The following KHDRBS2 variants were observed in gnomAD, a reference collection of about 807,000 sequenced individuals.
The protein encoded by KHDRBS2 is KH RNA binding domain containing, signal transduction associated 2, also known as KH domain-containing, RNA-binding, signal transduction-associated protein 2.
In KHDRBS2, 26 loss-of-function variants were observed where a neutral mutation model predicts 44.3. That is an observed-to-expected ratio of 0.59 (90% CI 0.43 to 0.81). The LOEUF (loss-of-function observed/expected upper bound fraction) is 0.81, where lower values mean the gene tolerates loss of function less well. Ranked by LOEUF, KHDRBS2 falls within the 40% of genes least tolerant of loss-of-function variation. The probability of loss-of-function intolerance (pLI) is 0.00; values close to 1 mark genes in which losing one functional copy is unlikely to be tolerated. For synonymous variants in KHDRBS2, 194 were observed against 151.1 expected (o/e 1.28, Z -2.08); for missense variants, 476 against 433.1 (o/e 1.10, Z -0.88).
At chr6:62,251,241 T>A (rs1475218571) in intron 1 of KHDRBS2, among the ~76,000 whole-genome samples, 2 of 151,826 alleles carry the variant, frequency 1.3e-5, no homozygotes, top group Non-Finnish European at 2.9e-5. Flanking sequence ...GCTCTTCCAC[T>A]CTCAGCAAAT....
At chr6:61,812,210 C>A (rs1164940188) in intron 6 of KHDRBS2, among the ~76,000 whole-genome samples, 1 of 151,912 alleles carries the variant, frequency 6.6e-6, no homozygotes, top group Non-Finnish European at 1.5e-5. Flanking sequence ...ACCATCGAGA[C>A]AAGACAGCCT....
At chr6:62,196,792 C>T (rs1825800871) in intron 1 of KHDRBS2, among the ~76,000 whole-genome samples, 2 of 152,012 alleles carry the variant, frequency 1.3e-5, no homozygotes, top group Admixed American at 1.3e-4. Flanking sequence ...ATTTCAGGTG[C>T]TCAGAATATG....
chr6:61,999,155 C>T (rs1462289603), intron 3 of KHDRBS2, among the ~76,000 whole-genome samples: 2 of 151,970 alleles, frequency 1.3e-5, no homozygotes, highest in African/African-American at 2.4e-5. Flanking sequence ...TATAAATTGA[C>T]CTAACAAATG....
intron 6 of KHDRBS2, among the ~76,000 whole-genome samples, chr6:61,736,212 TCACACACACACACA>T (rs376298733): frequency 7.4e-6 from 1 of 135,560 alleles, no homozygotes; most frequent in African/African-American, 2.8e-5. Context: ...TTACTTTACT[TCACACACACACACA>T]CACACACACA....
At chr6:62,197,970 C>T (rs1405268993) in intron 1 of KHDRBS2, among the ~76,000 whole-genome samples, 1 of 152,134 alleles carries the variant, frequency 6.6e-6, no homozygotes, top group Non-Finnish European at 1.5e-5. Context: ...AATTGAACAA[C>T]CTGCTCCTGA....
intron 4 of KHDRBS2, among the ~76,000 whole-genome samples, chr6:61,961,383 GAAGAAAGAAAAAGA>G (rs1262036394): frequency 2.2e-4 from 33 of 149,578 alleles, no homozygotes; most frequent in African/African-American, 7.9e-4. Context: ...GGAAAGAAGG[GAAGAAAGAAAAAGA>G]AAGAAAGAAA....
intron 2 of KHDRBS2, among the ~76,000 whole-genome samples, chr6:62,065,655 G>T: frequency 9.1e-6 from 1 of 110,368 alleles, no homozygotes; most frequent in Non-Finnish European, 1.8e-5. Context: ...AGGGGGGAGG[G>T]ATAGCATTGG....
the KHDRBS2 span, among the ~76,000 whole-genome samples, chr6:61,650,596 A>G: frequency 1.9e-5 from 2 of 104,776 alleles, no homozygotes; most frequent in Admixed American, 1.1e-4. Context: ...AAATACATGA[A>G]AAACTTAATG....
chr6:61,618,528 T>C, the KHDRBS2 span, among the ~76,000 whole-genome samples: 3 of 152,214 alleles, frequency 2.0e-5, no homozygotes, highest in Non-Finnish European at 2.9e-5. Context: ...AGTATAATTG[T>C]GTCATGGGGG....
chr6:61,786,814 C>A (rs1191854862), intron 6 of KHDRBS2, among the ~76,000 whole-genome samples: 1 of 151,850 alleles, frequency 6.6e-6, no homozygotes, highest in East Asian at 1.9e-4. Context: ...TATTGCCCAG[C>A]AAATACTCAC....
intron 3 of KHDRBS2, among the ~76,000 whole-genome samples, chr6:62,009,052 G>A (rs1254478067): frequency 6.6e-6 from 1 of 152,166 alleles, no homozygotes; most frequent in South Asian, 2.1e-4. Context: ...GGAACAGGTT[G>A]AAGGGTTCAG....
At chr6:61,847,134 C>CA (rs935549558) in intron 6 of KHDRBS2, among the ~76,000 whole-genome samples, 4 of 152,046 alleles carry the variant, frequency 2.6e-5, no homozygotes, top group Non-Finnish European at 2.9e-5. Flanking sequence ...TGTAAGTTTT[C>CA]ACCATGTTTT....
chr6:61,575,647 C>T, the KHDRBS2 span, among the ~76,000 whole-genome samples: 4 of 152,202 alleles, frequency 2.6e-5, no homozygotes, highest in East Asian at 7.7e-4. Flanking sequence ...TGAAAAAGGC[C>T]TTGCACACAT....
Position 61,758,180 on chromosome 6 carries a change from G to A in KHDRBS2, c.811-25416C>T, listed in dbSNP as rs539245864. On this transcript the variant is annotated intron_variant, in intron 6 of 8. Transcript: ENST00000281156. ...GAAACTTTCTGAAAAGCACAAACTG[G>A]GGAAATTGTAGGGCTTATCTTATTT... is the stretch of plus-strand genomic sequence containing the variant. Among the ~76,000 whole-genome samples the A allele has an allele frequency of 1.6e-3, 238 of 152,160 alleles. 1 individual carries two copies. Among genetic ancestry groups the A allele is most frequent in the African/African-American group, 5.3e-3 (222 of 41,532 alleles).
intron 2 of KHDRBS2, among the ~76,000 whole-genome samples, chr6:62,061,900 C>A (rs1331715751): frequency 6.6e-6 from 1 of 151,494 alleles, no homozygotes; most frequent in African/African-American, 2.4e-5. Context: ...TCTAAACTTC[C>A]CTTCTCGCTT....
At chr6:61,987,209 ACAAGACCAAATC>A (rs929637897) in intron 3 of KHDRBS2, among the ~76,000 whole-genome samples, 8 of 152,190 alleles carry the variant, frequency 5.3e-5, no homozygotes, top group Non-Finnish European at 8.8e-5. Context: ...CAGTAGTAAC[ACAAGACCAAATC>A]CAATATTACT....
intron 6 of KHDRBS2, among the ~76,000 whole-genome samples, chr6:61,839,356 G>A (rs76833392): frequency 0.033 from 4,995 of 151,834 alleles, 274 homozygotes; most frequent in African/African-American, 0.11. Flanking sequence ...TGCCTTACAA[G>A]GATATGACCA....
intron 2 of KHDRBS2, among the ~76,000 whole-genome samples, chr6:62,173,664 C>T (rs1820520256): frequency 6.6e-6 from 1 of 151,930 alleles, no homozygotes; most frequent in African/African-American, 2.4e-5. Context: ...TGCAACAGTC[C>T]TCAACAAAAT....
At chr6:62,122,065 G>T (rs1807789319) in intron 2 of KHDRBS2, among the ~76,000 whole-genome samples, 1 of 152,110 alleles carries the variant, frequency 6.6e-6, no homozygotes, top group South Asian at 2.1e-4. Flanking sequence ...GACCCGAAAT[G>T]TTGCCAGTTT....
Sources: allele counts gnomAD v4.1 joint callset (sites outside exome capture counted in the v4.1 genomes callset), GRCh38; gene constraint gnomAD v4.1.1; transcripts MANE v1.5; gene names NCBI Gene and HGNC (gene_info 2026-07-23, HGNC 2026-07-21).